The following PLXDC2 variants were observed in gnomAD, a reference collection of about 807,000 sequenced individuals.
The protein encoded by PLXDC2 is plexin domain-containing protein 2.
PLXDC2 carries 40 observed loss-of-function variants against 68.9 expected under a neutral mutation model. The ratio of observed to expected loss-of-function variants is 0.58; its 90% confidence interval spans 0.45 to 0.76. The LOEUF (loss-of-function observed/expected upper bound fraction) is 0.76. Ranked by LOEUF, PLXDC2 falls within the 30% of genes least tolerant of loss-of-function variation. The pLI, the probability that PLXDC2 is intolerant of heterozygous loss-of-function variation, is 0.00. For synonymous variants in PLXDC2, 243 were observed against 234.2 expected (o/e 1.04, Z -0.34); for missense variants, 644 against 661.9 (o/e 0.97, Z 0.30).
chr10:19,973,946 A>G (rs940014778), intron 1 of PLXDC2, among the ~76,000 whole-genome samples: 7 of 152,338 alleles, frequency 4.6e-5, no homozygotes, highest in African/African-American at 9.6e-5. Flanking sequence ...AAATTAGAAC[A>G]TCTCATTTTT....
intron 1 of PLXDC2, among the ~76,000 whole-genome samples, chr10:19,881,235 C>T (rs1837721863): frequency 6.6e-6 from 1 of 152,112 alleles, no homozygotes; most frequent in African/African-American, 2.4e-5. Flanking sequence ...CCTGCCTCAG[C>T]CTCCTGAGTA....
chr10:19,974,053 G>A (rs781202786), intron 1 of PLXDC2, among the ~76,000 whole-genome samples: 9 of 152,194 alleles, frequency 5.9e-5, no homozygotes, highest in Non-Finnish European at 1.2e-4. Context: ...CATGTTTTAA[G>A]TGCCAAACAT....
At chr10:20,136,275 A>T (rs1007431693) in intron 4 of PLXDC2, among the ~76,000 whole-genome samples, 1 of 152,240 alleles carries the variant, frequency 6.6e-6, no homozygotes, top group Admixed American at 6.5e-5. Flanking sequence ...AGACAGTTAC[A>T]TTACCAAATA....
intron 1 of PLXDC2, among the ~76,000 whole-genome samples, chr10:19,850,317 G>T (rs1837089870): frequency 6.6e-6 from 1 of 150,434 alleles, no homozygotes. Context: ...TTTTGAATAA[G>T]GAAAAATTAA....
Position 20,279,987 on chromosome 10 carries a change from A to G in PLXDC2, c.*168A>G. ...AAGCTCAGCCCAGGAAACAAAGGGT[A>G]AACAAAAAACTAAAACTTATACAAG... On this transcript the variant is annotated 3_prime_UTR_variant, in exon 14 of 14. Coordinates refer to ENST00000377252, the MANE Select transcript of PLXDC2 (RefSeq NM_032812.9). The G allele has an allele frequency of 1.7e-6, 1 of 588,642 alleles. No individual in the cohort carries two copies. The highest frequency in any genetic ancestry group is 3.0e-6 in the Non-Finnish European group (1 of 332,526). The allele number at this position is 588,642 out of a possible 1,614,324, so 36.5% of individuals were successfully genotyped here. A position where few individuals can be genotyped will look rare whatever the true frequency, so the allele number is the denominator to read the frequency against.
chr10:20,203,856 G>A (rs1834954739), intron 9 of PLXDC2, among the ~76,000 whole-genome samples: 1 of 152,134 alleles, frequency 6.6e-6, no homozygotes, highest in African/African-American at 2.4e-5. Context: ...CTAAAGCAAA[G>A]TTCTTGTATT....
chr10:20,027,143 A>G (rs4748632), intron 2 of PLXDC2, among the ~76,000 whole-genome samples: 26,954 of 149,252 alleles, frequency 0.18, 3,217 homozygotes, highest in East Asian at 0.29. Flanking sequence ...ATACATGTAG[A>G]CACACCCAAT....
chr10:19,902,988 A>G (rs557663148), intron 1 of PLXDC2, among the ~76,000 whole-genome samples: 16 of 152,240 alleles, frequency 1.1e-4, no homozygotes, highest in African/African-American at 3.9e-4. Flanking sequence ...ATTGACTTAC[A>G]TATGTTAAAC....
intron 1 of PLXDC2, among the ~76,000 whole-genome samples, chr10:19,912,550 T>C (rs1383778937): frequency 6.6e-6 from 1 of 152,154 alleles, no homozygotes; most frequent in Non-Finnish European, 1.5e-5. Context: ...AATTTATCGG[T>C]CCTGGACAAC....
chr10:20,237,633 G>A (rs190711177), intron 12 of PLXDC2, among the ~76,000 whole-genome samples: 1 of 152,252 alleles, frequency 6.6e-6, no homozygotes, highest in Non-Finnish European at 1.5e-5. Context: ...TGTTCCATGG[G>A]GGAATTCATG....
At chr10:19,831,864 T>G (rs193283386) in intron 1 of PLXDC2, among the ~76,000 whole-genome samples, 2 of 152,334 alleles carry the variant, frequency 1.3e-5, no homozygotes, top group East Asian at 1.9e-4. Flanking sequence ...TCTTTGCTAT[T>G]GTAAATAGTA....
At chr10:20,042,478 C>T (rs868514565) in intron 2 of PLXDC2, among the ~76,000 whole-genome samples, 1 of 152,064 alleles carries the variant, frequency 6.6e-6, no homozygotes, top group South Asian at 2.1e-4. Context: ...CAAGTGGTGG[C>T]CCATTGATTC....
intron 1 of PLXDC2, among the ~76,000 whole-genome samples, chr10:19,864,620 C>T (rs928600015): frequency 6.6e-6 from 1 of 152,024 alleles, no homozygotes; most frequent in Non-Finnish European, 1.5e-5. Context: ...AGAAGATGGA[C>T]CCTAGATGAG....
intron 1 of PLXDC2, among the ~76,000 whole-genome samples, chr10:19,966,070 A>G (rs1378970984): frequency 6.6e-6 from 1 of 151,742 alleles, no homozygotes; most frequent in Non-Finnish European, 1.5e-5. Context: ...AGAGAAATAT[A>G]TAACTATAGA....
chr10:20,051,241 A>G (rs937476853), intron 3 of PLXDC2, among the ~76,000 whole-genome samples: 7 of 151,664 alleles, frequency 4.6e-5, no homozygotes, highest in African/African-American at 1.5e-4. Flanking sequence ...TTAAGGGTGG[A>G]TGGTAGGAGG....
chr10:19,873,956 C>A (rs894499303), intron 1 of PLXDC2, among the ~76,000 whole-genome samples: 2 of 151,960 alleles, frequency 1.3e-5, no homozygotes, highest in Non-Finnish European at 2.9e-5. Flanking sequence ...TATGTTGAGG[C>A]CAGATTTCCA....
intron 9 of PLXDC2, among the ~76,000 whole-genome samples, chr10:20,204,819 A>G (rs1421206512): frequency 6.6e-6 from 1 of 152,082 alleles, no homozygotes; most frequent in Non-Finnish European, 1.5e-5. Context: ...AAATCCTACA[A>G]TATTTACTAT....
intron 7 of PLXDC2, among the ~76,000 whole-genome samples, chr10:20,172,021 C>G (rs115329710): frequency 6.8e-6 from 1 of 146,348 alleles, no homozygotes; most frequent in Non-Finnish European, 1.6e-5. Flanking sequence ...GTGACAGAAA[C>G]GCCAAAAGCA....
At chr10:20,237,592 A>G (rs185902507) in intron 12 of PLXDC2, among the ~76,000 whole-genome samples, 5 of 152,344 alleles carry the variant, frequency 3.3e-5, no homozygotes, top group Admixed American at 6.5e-5. Context: ...TTCTTTTGTT[A>G]CATGCTTTAG....
Sources: gnomAD v4.1 joint callset for allele counts (sites outside exome capture counted in the v4.1 genomes callset) on GRCh38, gnomAD v4.1.1 for gene constraint, MANE v1.5 for transcripts, NCBI Gene and HGNC (gene_info 2026-07-23, HGNC 2026-07-21) for gene names.